Variants in COPS3 observed in about 807,000 individuals in gnomAD.
The protein encoded by COPS3 is COP9 signalosome complex subunit 3.
In COPS3, 10 loss-of-function variants were observed where a neutral mutation model predicts 58.2. The ratio of observed to expected loss-of-function variants is 0.17; its 90% CI spans 0.11 to 0.29. The LOEUF (loss-of-function observed/expected upper bound fraction) is 0.29, where lower values mean the gene tolerates loss of function less well. Among genes scored for constraint, COPS3 ranks in the 10% least tolerant of loss-of-function variants. The probability of loss-of-function intolerance (pLI) is 1.00; values close to 1 mark genes in which losing one functional copy is unlikely to be tolerated. For synonymous variants in COPS3, 187 were observed against 181.7 expected (o/e 1.03, Z -0.24); for missense variants, 333 against 510.1 (o/e 0.65, Z 3.34).
intron 1 of COPS3, chr17:17,280,855 C>T (rs2048567551): frequency 1.7e-6 from 2 of 1,172,842 alleles, no homozygotes; most frequent in Non-Finnish European, 2.3e-6. Context: ...AACTGTCAAG[C>T]AAAGCGCCCG....
chr17:17,267,440 G>A (rs1180690758), intron 5 of COPS3, among the ~76,000 whole-genome samples: 5 of 151,138 alleles, frequency 3.3e-5, no homozygotes, highest in Admixed American at 1.3e-4. Context: ...GGAGTTCAAC[G>A]CCAGCCTGGC....
intron 2 of COPS3, among the ~76,000 whole-genome samples, chr17:17,275,094 ATTT>A (rs11372300): frequency 2.1e-5 from 3 of 144,312 alleles, no homozygotes; most frequent in Admixed American, 7.0e-5. Flanking sequence ...GCAACAACTG[ATTT>A]TTTTTTTTTT....
At chr17:17,250,789 T>C (rs1228024456) in intron 9 of COPS3, among the ~76,000 whole-genome samples, 1 of 152,212 alleles carries the variant, frequency 6.6e-6, no homozygotes. Context: ...GTCTCTAGCT[T>C]TGGAAGGGAT....
Position 17,267,915 on chromosome 17 carries a change from C to T in COPS3, c.411G>A (p.Gln137=). Residue 137 remains glutamine (Q), a synonymous_variant, in exon 5 of 12, where the codon CAG becomes CAA. Transcript: ENST00000268717. The part of the protein sequence containing the change: ...AIDKMQMNTN[Q]LTSIHADLCQ... ...AGAGATCAGCATGTATTGAGGTCAG[C>T]TGGTTTGTATTCATCTGCATCTTGT... is the stretch of plus-strand genomic sequence containing the variant. The T allele has an allele frequency of 1.2e-6, 2 of 1,613,978 alleles. No individual in the cohort carries two copies. Among genetic ancestry groups the T allele is most frequent in the East Asian group, 2.2e-5 (1 of 44,886 alleles).
intron 8 of COPS3, chr17:17,255,163 G>A (rs1171753688): frequency 2.6e-6 from 1 of 382,560 alleles, no homozygotes; most frequent in Admixed American, 4.3e-5. Flanking sequence ...TAGCTGGTAT[G>A]GTGGTGCACG....
At chr17:17,273,796 G>A (rs561045598) in intron 2 of COPS3, among the ~76,000 whole-genome samples, 1 of 152,318 alleles carries the variant, frequency 6.6e-6, no homozygotes, top group East Asian at 1.9e-4. Context: ...AAGCTGCAGT[G>A]AGCTGTGCTC....
chr17:17,280,836 A>C (rs2048566730), intron 1 of COPS3: 8 of 1,216,438 alleles, frequency 6.6e-6, no homozygotes, highest in Non-Finnish European at 8.7e-6. Flanking sequence ...GGCGGAAGTC[A>C]CGCCCCCAAA....
intron 4 of COPS3, among the ~76,000 whole-genome samples, chr17:17,269,228 C>T (rs569213035): frequency 3.5e-4 from 53 of 152,102 alleles, no homozygotes; most frequent in Non-Finnish European, 6.2e-4. Flanking sequence ...AGTTTGACAC[C>T]AGCCTGGCAA....
chr17:17,257,360 TCA>T lies in COPS3; in HGVS notation c.937-2417_937-2416del, dbSNP rs1664434716. 4.3e-5 allele frequency among the ~76,000 whole-genome samples: 6 copies of T among 140,770 alleles called. No homozygotes were observed. The Admixed American group carries it at 4.4e-4, about 10-fold the overall frequency. 92.4% of individuals were successfully genotyped at this position (140,770 alleles called of 152,430 possible). On this transcript the variant is annotated intron_variant, in intron 8 of 11. Coordinates refer to ENST00000268717, the MANE Select transcript of COPS3 (RefSeq NM_003653.4). Reference sequence around the variant, plus strand: ...GCCTGGACAACAGAGCGAGACTCAGTCACAGAAAAAAAAAAAAAGAAAAAATA... The same window carrying T: ...GCCTGGACAACAGAGCGAGACTCAGTCAGAAAAAAAAAAAAAGAAAAAATA...
At chr17:17,271,060 T>C (rs1323280600) in intron 2 of COPS3, 52 bp from the exon 3 acceptor site, 3 of 1,263,548 alleles carry the variant, frequency 2.4e-6, no homozygotes, top group African/African-American at 1.5e-5. Context: ...TGGGATAAAA[T>C]ACAGAAACAA....
intron 6 of COPS3, among the ~76,000 whole-genome samples, chr17:17,262,965 G>A (rs894296147): frequency 2.7e-5 from 4 of 149,558 alleles, no homozygotes; most frequent in Admixed American, 1.3e-4. Flanking sequence ...GCGCAATCCC[G>A]GCTCACTGCA....
At chr17:17,280,865 G>T (rs1192089428) in intron 1 of COPS3, 6 of 1,106,462 alleles carry the variant, frequency 5.4e-6, no homozygotes, top group Middle Eastern at 3.1e-4. Context: ...CAAAGCGCCC[G>T]GTGGAAGGGG....
Position 17,271,694 on chromosome 17 carries a change from T to C in COPS3, c.186-686A>G, listed in dbSNP as rs568828188. 6.2e-4 allele frequency among the ~76,000 whole-genome samples: 93 copies of C among 150,556 alleles called. 1 individual carries two copies. The highest frequency in any genetic ancestry group is 2.1e-3 in the African/African-American group (88 of 41,056). On this transcript the variant is annotated intron_variant, in intron 2 of 11. Coordinates refer to ENST00000268717, the MANE Select transcript of COPS3 (RefSeq NM_003653.4). The stretch of plus-strand genomic sequence containing the variant: ...AAAATTAGCCGGGCGTGGTGGTGCA[T>C]GCATGCCTGTAACCCCAGCTACTCG...
rs148015953 is a variant in COPS3 at position 17,254,895 on chromosome 17, A to G, written c.987T>C (p.Ser329=). 2.0e-4 allele frequency: 315 copies of G among 1,613,542 alleles called. 2 individuals are homozygous for G. In the African/African-American group the frequency reaches 3.5e-3, roughly 18 times the overall value. The change falls in exon 9 of 12, where the codon TCT becomes TCC. Residue 329 remains serine, a synonymous_variant. Transcript: ENST00000268717. The part of the protein sequence containing the change: ...LQDMASRVQL[S]GPQEAEKYVL... ...CGTATTTCTCTGCCTCCTGAGGTCC[A>G]GACAACTGCACACGACTTGCCATAT...
intron 2 of COPS3, among the ~76,000 whole-genome samples, chr17:17,271,885 A>G (rs2048360133): frequency 7.8e-6 from 1 of 128,868 alleles, no homozygotes; most frequent in Non-Finnish European, 1.8e-5. Flanking sequence ...TATGTTTAAT[A>G]ATATATATTA....
chr17:17,270,023 G>A (rs2048311019), intron 4 of COPS3, among the ~76,000 whole-genome samples: 1 of 152,122 alleles, frequency 6.6e-6, no homozygotes, highest in South Asian at 2.1e-4. Context: ...GGGCGTGGCA[G>A]CATGCACCTG....
chr17:17,268,947 T>C (rs563726521), intron 4 of COPS3, among the ~76,000 whole-genome samples: 2 of 152,346 alleles, frequency 1.3e-5, no homozygotes, highest in East Asian at 3.9e-4. Context: ...CTTTCAAACA[T>C]GGTTACTTAG....
intron 8 of COPS3, among the ~76,000 whole-genome samples, chr17:17,258,009 T>G (rs2048016404): frequency 6.6e-6 from 1 of 152,104 alleles, no homozygotes; most frequent in Non-Finnish European, 1.5e-5. Flanking sequence ...TCCTTTGATG[T>G]TTCCCCGTTC....
chr17:17,277,331 T>A lies in COPS3; in HGVS notation c.56-1167A>T, dbSNP rs531150167. Among the ~76,000 whole-genome samples, 20 of 152,334 alleles carry A rather than the reference T, an allele frequency of 1.3e-4. No homozygotes were observed. In the South Asian group the frequency reaches 4.1e-3, roughly 32 times the overall value. The stretch of plus-strand genomic sequence containing the variant: ...TCCCTTTCTCCAGCTCTAGAATACA[T>A]CACCTGCTTAGCAGTTCATCAAGCA... On this transcript the variant is annotated intron_variant, in intron 1 of 11. Transcript: ENST00000268717.
Sources: allele counts gnomAD v4.1 joint callset (sites outside exome capture counted in the v4.1 genomes callset), GRCh38; gene constraint gnomAD v4.1.1; transcripts MANE v1.5; gene names NCBI Gene and HGNC (gene_info 2026-07-23, HGNC 2026-07-21).